FOXN3: variants seen among roughly 807,000 people sequenced by gnomAD.
FOXN3 encodes the protein forkhead box protein N3.
A neutral mutation model predicts 38.4 loss-of-function variants in FOXN3; 7 were observed. That is an observed-to-expected ratio of 0.18 (90% CI 0.10 to 0.34). The LOEUF is 0.34. FOXN3 is among the 10% of genes least tolerant of loss of function. The pLI is 1.00. For missense variants in FOXN3, 456 were observed against 613.4 expected (o/e 0.74, Z 2.71); for synonymous variants, 230 against 242.2 (o/e 0.95, Z 0.47).
At chr14:89,398,237 A>G (rs554553848) in intron 2 of FOXN3, among the ~76,000 whole-genome samples, 1 of 152,352 alleles carries the variant, frequency 6.6e-6, no homozygotes, top group Admixed American at 6.5e-5. Flanking sequence ...TCCCCAGGAT[A>G]AAGTAATTAT....
In FOXN3 at chr14:89,280,963, T is replaced by C; in HGVS notation, c.732A>G (p.Gly244=). The C allele has an allele frequency of 6.2e-7, 1 of 1,613,750 alleles. No individual in the cohort carries two copies. The highest frequency in any genetic ancestry group is 8.5e-7 in the Non-Finnish European group (1 of 1,179,890). ...CTAGGGACCTACCTTGGAGAAGGGC[T>C]CCATTTCTCTTGAAGAAGGTACTGC... is the stretch of plus-strand genomic sequence containing the variant. ...WPGSTFFKRN[G]ALLQVPPGVI... The change falls in exon 4 of 6, where the codon GGA becomes GGG. Residue 244 remains glycine, a synonymous_variant. Transcript: ENST00000557258.
intron 3 of FOXN3, among the ~76,000 whole-genome samples, chr14:89,303,495 C>CT (rs1429715634): frequency 1.7e-5 from 1 of 57,912 alleles, no homozygotes; most frequent in Non-Finnish European, 3.9e-5. Context: ...TAAACATCTG[C>CT]TAAAAAAAAA....
At chr14:89,581,947 A>T (rs955803593) in intron 1 of FOXN3, among the ~76,000 whole-genome samples, 1 of 152,210 alleles carries the variant, frequency 6.6e-6, no homozygotes, top group African/African-American at 2.4e-5. Context: ...TAGCCCCAGG[A>T]CAAAAAGTTG....
chr14:89,309,840 G>T (rs10151835), intron 3 of FOXN3, among the ~76,000 whole-genome samples: 132,504 of 152,216 alleles, frequency 0.87, 57,745 homozygotes, highest in East Asian at 0.96. Flanking sequence ...GGCGTTGGCT[G>T]CCTGGGGCTC....
intron 5 of FOXN3, among the ~76,000 whole-genome samples, chr14:89,175,860 G>C (rs1404060052): frequency 6.6e-6 from 1 of 152,088 alleles, no homozygotes; most frequent in Admixed American, 6.5e-5. Context: ...ATCCAGGGAG[G>C]TTGCTGTGAC....
intron 1 of FOXN3, chr14:89,619,000 G>A (rs1299002378): frequency 1.3e-5 from 2 of 152,418 alleles, no homozygotes; most frequent in Non-Finnish European, 2.9e-5. Context: ...CAGATTAGGA[G>A]GCAGGAAATG....
At chr14:89,251,100 T>C (rs1194322495) in intron 4 of FOXN3, among the ~76,000 whole-genome samples, 1 of 152,216 alleles carries the variant, frequency 6.6e-6, no homozygotes, top group African/African-American at 2.4e-5. Flanking sequence ...AAGATTAGTA[T>C]TTGAAAGTGC....
At chr14:89,321,674 G>A (rs940909661) in intron 3 of FOXN3, among the ~76,000 whole-genome samples, 16 of 152,168 alleles carry the variant, frequency 1.1e-4, no homozygotes, top group Non-Finnish European at 2.2e-4. Context: ...GGCCAAAGAC[G>A]TTCTTTCAAA....
chr14:89,274,858 C>T (rs540417616), intron 4 of FOXN3, among the ~76,000 whole-genome samples: 33 of 152,322 alleles, frequency 2.2e-4, no homozygotes, highest in African/African-American at 7.7e-4. Context: ...GCATCCTCAG[C>T]CTTTGCCCCA....
intron 1 of FOXN3, among the ~76,000 whole-genome samples, chr14:89,616,305 T>C (rs1337562228): frequency 6.6e-6 from 1 of 152,136 alleles, no homozygotes; most frequent in African/African-American, 2.4e-5. Flanking sequence ...ATTTTGATAC[T>C]GGGAACGTCT....
At chr14:89,280,908 G>T (rs1243095064) in intron 4 of FOXN3, 42 bp downstream of exon 4, 7 of 1,548,320 alleles carry the variant, frequency 4.5e-6, no homozygotes, top group Non-Finnish European at 5.3e-6. Context: ...AAGGCGGGTG[G>T]GTGAGGGGGA....
At chr14:89,565,021 G>A (rs771153725) in intron 1 of FOXN3, among the ~76,000 whole-genome samples, 3 of 148,302 alleles carry the variant, frequency 2.0e-5, no homozygotes, top group Non-Finnish European at 4.4e-5. Context: ...TGGAACCCAG[G>A]AGGCGGAGGT....
At chr14:89,333,626 GT>G (rs1219616195) in intron 3 of FOXN3, among the ~76,000 whole-genome samples, 1 of 150,864 alleles carries the variant, frequency 6.6e-6, no homozygotes, top group Non-Finnish European at 1.5e-5. Context: ...GCCAGGCATG[GT>G]GGCGCCTGCC....
At chr14:89,187,588 G>T (rs1887840578) in intron 4 of FOXN3, among the ~76,000 whole-genome samples, 1 of 152,198 alleles carries the variant, frequency 6.6e-6, no homozygotes. Context: ...TAATCATTCT[G>T]CCTGTAATGC....
chr14:89,171,622 GT>G (rs1887389618), intron 5 of FOXN3, among the ~76,000 whole-genome samples: 1 of 151,882 alleles, frequency 6.6e-6, no homozygotes, highest in Non-Finnish European at 1.5e-5. Context: ...ATTCACCACA[GT>G]AAAAAAAAGA....
At chr14:89,446,551 A>C (rs1488292667) in intron 1 of FOXN3, among the ~76,000 whole-genome samples, 1 of 152,232 alleles carries the variant, frequency 6.6e-6, no homozygotes, top group Non-Finnish European at 1.5e-5. Context: ...AACTTAGAAA[A>C]GAGTTTTTCT....
chr14:89,285,197 C>T (rs936018821), intron 3 of FOXN3, among the ~76,000 whole-genome samples: 10 of 152,204 alleles, frequency 6.6e-5, no homozygotes, highest in Admixed American at 3.3e-4. Flanking sequence ...TCTAAGATCT[C>T]ACCTGCCAAA....
At chr14:89,253,290 C>T (rs56023027) in intron 4 of FOXN3, among the ~76,000 whole-genome samples, 29,254 of 152,162 alleles carry the variant, frequency 0.19, 2,853 homozygotes, top group East Asian at 0.31. Context: ...ATCTGGCATT[C>T]GCTCTAGGGC....
rs567005685 is a variant in FOXN3, at chr14:89,428,577, G to A, written c.-14-16087C>T. Among the ~76,000 whole-genome samples, 12 of 152,314 alleles carry A rather than the reference G, an allele frequency of 7.9e-5. No individual in the cohort carries two copies. The South Asian group carries it at 8.3e-4, about 11-fold the overall frequency. On this transcript the variant is annotated intron_variant, in intron 1 of 6. Transcript: ENST00000345097. ...AGATTTGGCCCCCAAACAACCAGGC[G>A]TCCTTTTTAAGTTGGCATTGCTTCC...
Sources: gnomAD v4.1 joint callset for allele counts (sites outside exome capture counted in the v4.1 genomes callset) on GRCh38, gnomAD v4.1.1 for gene constraint, MANE v1.5 for transcripts, NCBI Gene and HGNC (gene_info 2026-07-23, HGNC 2026-07-21) for gene names.